Variants in STPG2 observed in about 807,000 individuals in gnomAD.
STPG2 encodes the protein sperm-tail PG-rich repeat-containing protein 2.
A neutral mutation model predicts 54.2 loss-of-function variants in STPG2; 56 were observed. That is an observed-to-expected ratio of 1.03 (90% CI 0.83 to 1.29). The LOEUF is 1.29. Among genes scored for constraint, STPG2 ranks in the 50% most tolerant of loss-of-function variants. STPG2 has a pLI of 0.00. For synonymous variants in STPG2, 200 were observed against 181.8 expected, an observed-to-expected ratio of 1.10 and a Z score of -0.81; for missense variants, 596 against 544.9, an observed-to-expected ratio of 1.09 and a Z score of -0.93.
intron 4 of STPG2, among the ~76,000 whole-genome samples, chr4:97,479,157 CA>C (rs1730155739): frequency 6.6e-6 from 1 of 151,774 alleles, no homozygotes; most frequent in Non-Finnish European, 1.5e-5. Flanking sequence ...CACACACACA[CA>C]AACACTTAGG....
At chr4:98,040,213 G>T (rs1421811076) in intron 5 of STPG2, among the ~76,000 whole-genome samples, 11 of 151,788 alleles carry the variant, frequency 7.2e-5, no homozygotes, top group Non-Finnish European at 1.6e-4. Context: ...GTAGATTATG[G>T]ATATTAGTCC....
chr4:97,747,116 G>A (rs1433844943), intron 9 of STPG2, among the ~76,000 whole-genome samples: 2 of 151,172 alleles, frequency 1.3e-5, no homozygotes. Flanking sequence ...AAGAAAGGAT[G>A]GAAAAGAGAG....
chr4:97,713,563 T>C (rs1200468498), intron 9 of STPG2, among the ~76,000 whole-genome samples: 4 of 152,198 alleles, frequency 2.6e-5, no homozygotes, highest in Non-Finnish European at 5.9e-5. Context: ...TTCTGGCAGA[T>C]TCTTGATTCT....
chr4:97,991,736 T>C lies in STPG2; in HGVS notation c.613-10418A>G, dbSNP rs568860996. 1.1e-3 allele frequency among the ~76,000 whole-genome samples: 162 copies of C among 152,248 alleles called. 2 individuals are homozygous for C. In the South Asian group the frequency reaches 0.019, roughly 18 times the overall value. On this transcript the variant is annotated intron_variant, in intron 5 of 10. Coordinates refer to ENST00000295268, the MANE Select transcript of STPG2 (RefSeq NM_174952.3). Reference sequence around the variant, plus strand: ...ATTCCCACCAAACAGTGGAAAACTGTTCCCTTTTCACCACATCCATGCCAA... The same window carrying C: ...ATTCCCACCAAACAGTGGAAAACTGCTCCCTTTTCACCACATCCATGCCAA...
intron 4 of STPG2, among the ~76,000 whole-genome samples, chr4:97,529,646 C>T (rs945444386): frequency 6.6e-6 from 1 of 152,146 alleles, no homozygotes; most frequent in African/African-American, 2.4e-5. Context: ...TTAATTACTG[C>T]CTCAATTTCC....
intron 5 of STPG2, among the ~76,000 whole-genome samples, chr4:98,061,517 T>G (rs1737655524): frequency 6.6e-6 from 1 of 152,012 alleles, no homozygotes; most frequent in Non-Finnish European, 1.5e-5. Flanking sequence ...CCACCAGGTC[T>G]CTCCCCTAAC....
Position 97,935,536 on chromosome 4 carries a change from C to A in STPG2, c.1044+8361G>T, listed in dbSNP as rs189336752. On this transcript the variant is annotated intron_variant, in intron 8 of 10. Transcript: ENST00000295268. ...GGCACTTAGTGCTAGAAGTTTCCCT[C>A]TTAACACTGCTTTAGCTGCTTTCCA... 3.8e-3 allele frequency among the ~76,000 whole-genome samples: 581 copies of A among 152,288 alleles called. 3 individuals carry two copies. Among genetic ancestry groups the A allele is most frequent in the Non-Finnish European group, 7.1e-3 (481 of 68,018 alleles).
intron 3 of STPG2, among the ~76,000 whole-genome samples, chr4:98,113,681 T>C (rs901428175): frequency 6.6e-6 from 1 of 152,046 alleles, no homozygotes; most frequent in African/African-American, 2.4e-5. Flanking sequence ...TTATTCTTAA[T>C]AGCATTATTA....
rs898941643 is a variant in STPG2 at position 98,134,339 on chromosome 4, A to G, written c.222+8T>C. On this transcript the variant is annotated splice_region_variant and intron_variant, in intron 2 of 10. Transcript: ENST00000295268. Reference sequence around the variant, plus strand: ...TTATTAAGTCAATTATAGTAACTATAAAGTTACCTGTGCTTCTGAAACATT... The same window carrying G: ...TTATTAAGTCAATTATAGTAACTATGAAGTTACCTGTGCTTCTGAAACATT... 2.7e-6 allele frequency: 4 copies of G among 1,501,712 alleles called. No homozygotes were observed. Among genetic ancestry groups the G allele is most frequent in the Non-Finnish European group, 3.6e-6 (4 of 1,114,236 alleles). 93.0% of individuals were successfully genotyped at this position (1,501,712 alleles called of 1,614,324 possible).
intron 9 of STPG2, among the ~76,000 whole-genome samples, chr4:97,739,365 G>C (rs1277931145): frequency 6.6e-6 from 1 of 152,076 alleles, no homozygotes; most frequent in Non-Finnish European, 1.5e-5. Flanking sequence ...ACTAAAATCA[G>C]AGCAGAACTG....
At chr4:97,508,813 C>A (rs1168454283) in intron 4 of STPG2, among the ~76,000 whole-genome samples, 11 of 152,034 alleles carry the variant, frequency 7.2e-5, no homozygotes, top group Admixed American at 7.2e-4. Context: ...ATAATCAGCA[C>A]AGAAAATATA....
intron 7 of STPG2, among the ~76,000 whole-genome samples, chr4:97,948,665 T>C (rs1460387884): frequency 6.6e-6 from 1 of 152,166 alleles, no homozygotes; most frequent in East Asian, 1.9e-4. Flanking sequence ...ATTTCATTTT[T>C]AACACAAAAA....
chr4:98,079,881 A>C (rs535418809), intron 5 of STPG2, among the ~76,000 whole-genome samples: 18 of 152,264 alleles, frequency 1.2e-4, no homozygotes, highest in African/African-American at 4.3e-4. Context: ...TCAAGATTCC[A>C]AAAAGAATAT....
At chr4:97,647,145 T>C (rs991374464) in intron 10 of STPG2, among the ~76,000 whole-genome samples, 1 of 152,154 alleles carries the variant, frequency 6.6e-6, no homozygotes, top group African/African-American at 2.4e-5. Context: ...AAATGAATCA[T>C]TCTGGTCAGA....
chr4:97,946,342 G>A (rs1042334941), intron 7 of STPG2, among the ~76,000 whole-genome samples: 2 of 152,076 alleles, frequency 1.3e-5, no homozygotes, highest in East Asian at 1.9e-4. Context: ...CATTCTGTGG[G>A]TTGTCTGTTT....
intron 10 of STPG2, among the ~76,000 whole-genome samples, chr4:97,601,210 G>T (rs1001591959): frequency 1.2e-4 from 18 of 151,972 alleles, no homozygotes; most frequent in African/African-American, 4.3e-4. Context: ...GACATTGGCA[G>T]GTTCCTTCAC....
chr4:97,768,555 G>C (rs1726127052), intron 9 of STPG2, among the ~76,000 whole-genome samples: 2 of 152,174 alleles, frequency 1.3e-5, no homozygotes, highest in Non-Finnish European at 2.9e-5. Context: ...GTGCAATTGT[G>C]CTTCATGCTT....
chr4:97,875,086 A>G (rs559789113), intron 8 of STPG2, among the ~76,000 whole-genome samples: 25 of 152,068 alleles, frequency 1.6e-4, no homozygotes, highest in Admixed American at 1.4e-3. Context: ...TTCACTAGTT[A>G]ATGAACATTT....
At chr4:97,533,740 C>A (rs769323308) in intron 4 of STPG2, among the ~76,000 whole-genome samples, 24 of 152,016 alleles carry the variant, frequency 1.6e-4, no homozygotes, top group Admixed American at 1.2e-3. Flanking sequence ...CTGAGTAACC[C>A]TCCATTGTGT....
Sources: allele counts gnomAD v4.1 joint callset (sites outside exome capture counted in the v4.1 genomes callset), GRCh38; gene constraint gnomAD v4.1.1; transcripts MANE v1.5; gene names NCBI Gene and HGNC (gene_info 2026-07-23, HGNC 2026-07-21).